DPY19L2: variants seen among roughly 807,000 people sequenced by gnomAD.
The protein encoded by DPY19L2 is dpy-19 like 2.
In DPY19L2, 34 loss-of-function variants were observed where a neutral mutation model predicts 97.9. The ratio of observed to expected loss-of-function variants is 0.35; its 90% CI spans 0.26 to 0.46. The LOEUF (loss-of-function observed/expected upper bound fraction) is 0.46, where lower values mean the gene tolerates loss of function less well. DPY19L2 is among the 20% of genes least tolerant of loss of function. The pLI, the probability that DPY19L2 is intolerant of heterozygous loss-of-function variation, is 1.00. For synonymous variants in DPY19L2, 230 were observed against 307.9 expected, an observed-to-expected ratio of 0.75 and a Z score of 2.65; for missense variants, 623 against 911.4, an observed-to-expected ratio of 0.68 and a Z score of 4.07.
rs187320631 is a variant in DPY19L2, at chr12:63,631,494, C to A, written c.804-4968G>T. 5.8e-3 allele frequency among the ~76,000 whole-genome samples: 876 copies of A among 152,108 alleles called. 11 individuals are homozygous for A. The highest frequency in any genetic ancestry group is 0.019 in the African/African-American group (803 of 41,498). The stretch of plus-strand genomic sequence containing the variant: ...ATGGATAAATTCCTGGAAATATACA[C>A]CCTCCCAAGACTAAACCAGGAAGAA... On this transcript the variant is annotated intron_variant, in intron 6 of 21. Coordinates refer to ENST00000324472, the MANE Select transcript of DPY19L2 (RefSeq NM_173812.5).
At chr12:63,599,887 G>T (rs1884854961) in intron 13 of DPY19L2, among the ~76,000 whole-genome samples, 1 of 151,984 alleles carries the variant, frequency 6.6e-6, no homozygotes, top group Admixed American at 6.5e-5. Flanking sequence ...ATCATACATT[G>T]ATTTTAGTCC....
At chr12:63,596,240 C>T (rs1324166097) in intron 14 of DPY19L2, among the ~76,000 whole-genome samples, 1 of 151,690 alleles carries the variant, frequency 6.6e-6, no homozygotes, top group East Asian at 1.9e-4. Flanking sequence ...AAAAGTATTC[C>T]AAAAATTTAA....
chr12:63,592,951 C>CA (rs1250400902), intron 16 of DPY19L2, among the ~76,000 whole-genome samples: 2 of 150,892 alleles, frequency 1.3e-5, no homozygotes, highest in African/African-American at 4.9e-5. Flanking sequence ...AAGAAAAAAA[C>CA]AAACAACCCC....
chr12:63,571,441 G>A (rs1051578361), intron 19 of DPY19L2, among the ~76,000 whole-genome samples: 8 of 152,132 alleles, frequency 5.3e-5, no homozygotes, highest in Non-Finnish European at 4.4e-5. Context: ...CATGCTAACA[G>A]CAGGACTACA....
Position 63,588,609 on chromosome 12 carries a change from A to C in DPY19L2, c.1581-4773T>G, listed in dbSNP as rs576185383. Reference sequence around the variant, plus strand: ...ATAATAATCCCCAAAATATTTTTAAAGCCATTTTTAAAAAATTTAACATTC... The same window carrying C: ...ATAATAATCCCCAAAATATTTTTAACGCCATTTTTAAAAAATTTAACATTC... On this transcript the variant is annotated intron_variant, in intron 16 of 21. Transcript: ENST00000324472. Among the ~76,000 whole-genome samples the C allele has an allele frequency of 7.2e-5, 11 of 152,270 alleles. No homozygotes were observed. The East Asian group carries it at 1.9e-3, about 27-fold the overall frequency.
intron 1 of DPY19L2, chr12:63,666,560 T>C: frequency 2.3e-6 from 1 of 438,192 alleles, no homozygotes; most frequent in South Asian, 1.6e-5. Flanking sequence ...TTGTTTTCAA[T>C]TCCTCTGGAG....
intron 6 of DPY19L2, 46 bp from the exon 7 acceptor site, chr12:63,626,572 T>TGTAAAATACA (rs1417904239): frequency 1.3e-6 from 2 of 1,543,112 alleles, no homozygotes; most frequent in African/African-American, 2.8e-5. Context: ...TCAAAATTCA[T>TGTAAAATACA]GTAAAATACA....
rs545648911 is a variant in DPY19L2, at chr12:63,619,751, C to T, written c.1053+1487G>A. ...AACTCCTGACCTCAAGTGATCCACC[C>T]GCCTCAGCCTCCCAAAGTTCTGGGA... is the stretch of plus-strand genomic sequence containing the variant. On this transcript the variant is annotated intron_variant, in intron 9 of 21. Transcript: ENST00000324472. Among the ~76,000 whole-genome samples, 896 of 152,102 alleles carry T rather than the reference C, an allele frequency of 5.9e-3. 8 individuals are homozygous for T. Among genetic ancestry groups the T allele is most frequent in the African/African-American group, 0.02 (844 of 41,486 alleles).
intron 19 of DPY19L2, among the ~76,000 whole-genome samples, chr12:63,575,821 A>T (rs1879710301): frequency 6.6e-6 from 1 of 151,998 alleles, no homozygotes; most frequent in Non-Finnish European, 1.5e-5. Flanking sequence ...AGCAAAGAAA[A>T]GCCCAGGACC....
intron 12 of DPY19L2, among the ~76,000 whole-genome samples, chr12:63,604,698 TA>T (rs914687848): frequency 5.3e-4 from 80 of 150,774 alleles, no homozygotes; most frequent in Admixed American, 2.8e-3. Context: ...TGTTCTTTCT[TA>T]AAAAAAAAAT....
At chr12:63,643,508 C>A (rs1892985034) in intron 6 of DPY19L2, among the ~76,000 whole-genome samples, 2 of 152,028 alleles carry the variant, frequency 1.3e-5, no homozygotes, top group South Asian at 4.2e-4. Context: ...TGTAAAGAAA[C>A]CTGATGATTC....
In DPY19L2 at chr12:63,661,491, A is replaced by G. The variant is rs1300675265; in HGVS notation, c.451-10T>C. ...ATGAATAATAAAGTCCCTTTTTTTA[A>G]AAAAAGACATATATTGTCAATGTAA... On this transcript the variant is annotated splice_polypyrimidine_tract_variant and intron_variant, in intron 3 of 21. Coordinates refer to ENST00000324472, the MANE Select transcript of DPY19L2 (RefSeq NM_173812.5). 6.5e-7 allele frequency: 1 copy of G among 1,537,826 alleles called. No individual in the cohort carries two copies. Among genetic ancestry groups the G allele is most frequent in the East Asian group, 2.4e-5 (1 of 42,068 alleles).
At chr12:63,643,024 C>T (rs4763103) in intron 6 of DPY19L2, among the ~76,000 whole-genome samples, 104,924 of 151,266 alleles carry the variant, frequency 0.69, 36,966 homozygotes, top group African/African-American at 0.8. Flanking sequence ...AATGCTATTC[C>T]AAATAGCATC....
At chr12:63,657,562 T>C (rs983641115) in intron 4 of DPY19L2, among the ~76,000 whole-genome samples, 1 of 151,844 alleles carries the variant, frequency 6.6e-6, no homozygotes, top group African/African-American at 2.4e-5. Context: ...CATTTAGGTT[T>C]TTTTTTTCCT....
At chr12:63,602,933 A>T (rs1275668885) in intron 12 of DPY19L2, among the ~76,000 whole-genome samples, 1 of 152,214 alleles carries the variant, frequency 6.6e-6, no homozygotes, top group African/African-American at 2.4e-5. Context: ...AATATAGTCA[A>T]ATATACATAA....
chr12:63,662,878 C>G (rs1467645063), intron 3 of DPY19L2, among the ~76,000 whole-genome samples: 2 of 152,036 alleles, frequency 1.3e-5, no homozygotes, highest in African/African-American at 4.8e-5. Flanking sequence ...GACTGAGGGG[C>G]CTGGCATAGG....
At chr12:63,628,512 A>C (rs1365734805) in intron 6 of DPY19L2, among the ~76,000 whole-genome samples, 2 of 152,052 alleles carry the variant, frequency 1.3e-5, no homozygotes, top group Admixed American at 6.5e-5. Flanking sequence ...GGCAGCGAGG[A>C]TGGGGGAGGG....
intron 15 of DPY19L2, among the ~76,000 whole-genome samples, chr12:63,595,714 G>A (rs910357937): frequency 1.4e-4 from 21 of 152,132 alleles, no homozygotes; most frequent in African/African-American, 4.8e-4. Flanking sequence ...TATTTGTCCG[G>A]GTGTACCTAC....
intron 11 of DPY19L2, among the ~76,000 whole-genome samples, chr12:63,616,628 CT>C (rs1255180989): frequency 6.6e-6 from 1 of 152,106 alleles, no homozygotes; most frequent in Admixed American, 6.6e-5. Context: ...CTAAACCACC[CT>C]TCCAAACACA....
Sources: allele counts gnomAD v4.1 joint callset (sites outside exome capture counted in the v4.1 genomes callset), GRCh38; gene constraint gnomAD v4.1.1; transcripts MANE v1.5; gene names NCBI Gene and HGNC (gene_info 2026-07-23, HGNC 2026-07-21).